MORN1: variants seen among roughly 807,000 people sequenced by gnomAD.
MORN1 encodes MORN repeat containing 1.
In MORN1, 67 loss-of-function variants were observed where a neutral mutation model predicts 61.9. The ratio of observed to expected loss-of-function variants is 1.08; its 90% CI spans 0.89 to 1.33. The LOEUF is 1.33. Among genes scored for constraint, MORN1 ranks in the 40% most tolerant of loss-of-function variants. MORN1 has a pLI of 0.00. For synonymous variants in MORN1, 301 were observed against 292.0 expected (o/e 1.03, Z -0.31); for missense variants, 752 against 691.2 (o/e 1.09, Z -0.99).
At chr1:2,342,842 A>T (rs1002352257) in intron 10 of MORN1, among the ~76,000 whole-genome samples, 2 of 91,600 alleles carry the variant, frequency 2.2e-5, no homozygotes, top group Non-Finnish European at 4.4e-5. Context: ...TTTATTTTAT[A>T]TTTTATTTTA....
chr1:2,362,889 A>G (rs909880780), intron 8 of MORN1, among the ~76,000 whole-genome samples: 5 of 152,080 alleles, frequency 3.3e-5, no homozygotes, highest in Non-Finnish European at 5.9e-5. Context: ...TAAAATCAAG[A>G]TGTTTCCAGA....
intron 12 of MORN1, among the ~76,000 whole-genome samples, chr1:2,326,964 C>T (rs922674050): frequency 2.6e-5 from 4 of 152,226 alleles, no homozygotes; most frequent in Non-Finnish European, 4.4e-5. Context: ...CCCACAGACG[C>T]GCGCTGTGGA....
At chr1:2,352,419 G>C (rs1641670145) in intron 10 of MORN1, 1 of 153,222 alleles carries the variant, frequency 6.5e-6, no homozygotes, top group African/African-American at 2.4e-5. Context: ...AGTCACCGTG[G>C]CTGGGCTGAA....
In MORN1 at chr1:2,336,807, C is replaced by T. The variant is rs1460257493; in HGVS notation, c.1080G>A (p.Val360=). The T allele has an allele frequency of 2.2e-5, 35 of 1,600,174 alleles. No individual in the cohort carries two copies. The highest frequency in any genetic ancestry group is 2.9e-5 in the Non-Finnish European group (34 of 1,174,414). ...CTGTGAACTCGGCACAGCCCTGCTCCACTCGCTGACAGGCCCCGGGACAAT... is the reference window on the plus strand; with the variant it reads ...CTGTGAACTCGGCACAGCCCTGCTCTACTCGCTGACAGGCCCCGGGACAAT... ...APHCPGACQR[V]EQGCAEFTDV... The change falls in exon 11 of 14, where the codon GTG becomes GTA. Residue 360 remains valine (V), a synonymous_variant. Transcript: ENST00000378531.
chr1:2,329,287 GTTT>G (rs965551336), intron 12 of MORN1, among the ~76,000 whole-genome samples: 2 of 152,206 alleles, frequency 1.3e-5, no homozygotes, highest in Non-Finnish European at 2.9e-5. Flanking sequence ...ACCTGCTTTG[GTTT>G]AGTATCCCTG....
chr1:2,369,566 GAACT>G (rs1162435739), intron 8 of MORN1, among the ~76,000 whole-genome samples: 1 of 151,898 alleles, frequency 6.6e-6, no homozygotes, highest in African/African-American at 2.4e-5. Flanking sequence ...GAAACTAGTA[GAACT>G]AATAAATGAG....
chr1:2,389,574 T>C (rs1275455041), intron 2 of MORN1, among the ~76,000 whole-genome samples: 1 of 152,250 alleles, frequency 6.6e-6, no homozygotes, highest in Non-Finnish European at 1.5e-5. Flanking sequence ...GGCTTGACTT[T>C]ACACTTTCTT....
chr1:2,328,794 G>C (rs1299311216), intron 12 of MORN1, among the ~76,000 whole-genome samples: 2 of 152,170 alleles, frequency 1.3e-5, no homozygotes, highest in South Asian at 2.1e-4. Context: ...CTCCCGGGGA[G>C]CACAGCCTGT....
At chr1:2,379,220 G>A in intron 6 of MORN1, 1 of 464,264 alleles carries the variant, frequency 2.2e-6, no homozygotes, top group Non-Finnish European at 4.5e-6. Context: ...TAGATGGGTG[G>A]ATCAGAGCTG....
At chr1:2,359,451 C>T (rs2840543) in intron 8 of MORN1, among the ~76,000 whole-genome samples, 126,743 of 152,196 alleles carry the variant, frequency 0.83, 53,143 homozygotes, top group African/African-American at 0.92. Flanking sequence ...CTCTGGGCCC[C>T]GCTGGGCAGG....
At chr1:2,365,803 C>T (rs555222750) in intron 8 of MORN1, among the ~76,000 whole-genome samples, 2 of 152,000 alleles carry the variant, frequency 1.3e-5, no homozygotes, top group East Asian at 3.9e-4. Context: ...GTTAGAATGG[C>T]AATCATTAAA....
chr1:2,362,147 A>C (rs916689305), intron 8 of MORN1, among the ~76,000 whole-genome samples: 1 of 152,192 alleles, frequency 6.6e-6, no homozygotes, highest in South Asian at 2.1e-4. Flanking sequence ...CAGGAGAATC[A>C]CTTGAACCCG....
chr1:2,388,450 G>C, intron 2 of MORN1, 113 bp from the exon 3 acceptor site: 1 of 795,414 alleles, frequency 1.3e-6, no homozygotes, highest in South Asian at 1.5e-5. Flanking sequence ...CAAAACTTGT[G>C]TTTGGCTCCA....
intron 7 of MORN1, 84 bp downstream of exon 7, chr1:2,374,377 G>T: frequency 8.2e-7 from 1 of 1,220,740 alleles, no homozygotes. Context: ...CTCTTGGTCA[G>T]TGTTTCCCAT....
chr1:2,381,091 G>A (rs913598616), intron 6 of MORN1, among the ~76,000 whole-genome samples: 1 of 152,232 alleles, frequency 6.6e-6, no homozygotes, highest in African/African-American at 2.4e-5. Flanking sequence ...AGCCAAGAGA[G>A]CCTCGCTTCT....
intron 5 of MORN1, chr1:2,385,550 G>C (rs922336328): frequency 3.3e-5 from 2 of 60,476 alleles, no homozygotes; most frequent in Non-Finnish European, 5.6e-5. Context: ...TATTTTAATC[G>C]GGGGGGGGGG....
intron 10 of MORN1, among the ~76,000 whole-genome samples, chr1:2,348,394 C>T (rs929919454): frequency 5.3e-5 from 8 of 152,156 alleles, no homozygotes; most frequent in African/African-American, 1.7e-4. Context: ...GCTGGTGGCG[C>T]GTCTCCGTGG....
At chr1:2,371,726 ACATGGCGAAACCC>A (rs2100336318) in intron 8 of MORN1, 1 of 154,348 alleles carries the variant, frequency 6.5e-6, no homozygotes. Context: ...AGCCTGACCA[ACATGGCGAAACCC>A]CATCTCTACT....
At chr1:2,381,975 C>T (rs1054987572) in intron 6 of MORN1, among the ~76,000 whole-genome samples, 3 of 152,106 alleles carry the variant, frequency 2.0e-5, no homozygotes, top group Non-Finnish European at 4.4e-5. Flanking sequence ...GGGAGGGCGC[C>T]GTCCCTTGCC....
Sources: gnomAD v4.1 joint callset for allele counts (sites outside exome capture counted in the v4.1 genomes callset) on GRCh38, gnomAD v4.1.1 for gene constraint, MANE v1.5 for transcripts, NCBI Gene and HGNC (gene_info 2026-07-23, HGNC 2026-07-21) for gene names.